The following KDM4C variants were observed in gnomAD, a reference collection of about 807,000 sequenced individuals.
The protein encoded by KDM4C is lysine demethylase 4C, also known as lysine-specific demethylase 4C.
A neutral mutation model predicts 129.3 loss-of-function variants in KDM4C; 81 were observed. That is an observed-to-expected ratio of 0.63 (90% CI 0.52 to 0.75). The LOEUF (loss-of-function observed/expected upper bound fraction) is 0.75, where lower values mean the gene tolerates loss of function less well. KDM4C is among the 30% of genes least tolerant of loss of function. KDM4C has a pLI of 0.00. For synonymous variants in KDM4C, 573 were observed against 456.1 expected (o/e 1.26, Z -3.26); for missense variants, 1,457 against 1,304.0 (o/e 1.12, Z -1.81).
At chr9:6,793,164 C>G in intron 2 of KDM4C, 32 bp downstream of exon 2, 1 of 1,597,526 alleles carries the variant, frequency 6.3e-7, no homozygotes, top group Non-Finnish European at 8.5e-7. Flanking sequence ...AAATGAAAAA[C>G]AATCACTTGG....
At chr9:7,076,411 A>G in intron 17 of KDM4C, 1 of 1,517,646 alleles carries the variant, frequency 6.6e-7, no homozygotes, top group Non-Finnish European at 9.0e-7. Context: ...TTGGACTTTT[A>G]AAATTTGCAT....
intron 1 of KDM4C, among the ~76,000 whole-genome samples, chr9:6,764,265 A>G (rs146141101): frequency 0.014 from 2,146 of 152,342 alleles, 28 homozygotes; most frequent in South Asian, 0.046. Flanking sequence ...AGAATATAGC[A>G]TTAGATATAT....
At chr9:6,953,444 T>C (rs1828533894) in intron 8 of KDM4C, among the ~76,000 whole-genome samples, 1 of 152,266 alleles carries the variant, frequency 6.6e-6, no homozygotes, top group African/African-American at 2.4e-5. Context: ...ATACTTGCAA[T>C]GCAATAATCT....
intron 13 of KDM4C, among the ~76,000 whole-genome samples, chr9:7,012,392 T>C (rs1490283315): frequency 6.6e-6 from 1 of 152,202 alleles, no homozygotes; most frequent in Non-Finnish European, 1.5e-5. Flanking sequence ...TTTCAACTTT[T>C]CTATCTCTTT....
chr9:7,113,674 A>G (rs940063518), intron 18 of KDM4C, among the ~76,000 whole-genome samples: 1 of 152,184 alleles, frequency 6.6e-6, no homozygotes, highest in Non-Finnish European at 1.5e-5. Context: ...TGGAAAGATT[A>G]CTCTAAAAAT....
chr9:7,022,196 T>A (rs1269439892), intron 15 of KDM4C, among the ~76,000 whole-genome samples: 3 of 152,142 alleles, frequency 2.0e-5, no homozygotes, highest in African/African-American at 7.2e-5. Flanking sequence ...GAAGAATGTC[T>A]TTAGTATTTT....
At chr9:6,749,587 G>A (rs1385591913) in intron 1 of KDM4C, among the ~76,000 whole-genome samples, 1 of 151,972 alleles carries the variant, frequency 6.6e-6, no homozygotes, top group Admixed American at 6.6e-5. Flanking sequence ...AGGATTGCTT[G>A]AGCCCAGTAA....
At chr9:7,028,713 C>CT (rs1446407875) in intron 15 of KDM4C, among the ~76,000 whole-genome samples, 3 of 152,030 alleles carry the variant, frequency 2.0e-5, no homozygotes, top group Non-Finnish European at 2.9e-5. Flanking sequence ...CCAGAGTACT[C>CT]TAGCCCGTGG....
At chr9:6,823,503 C>A (rs1216808988) in intron 4 of KDM4C, among the ~76,000 whole-genome samples, 1 of 152,154 alleles carries the variant, frequency 6.6e-6, no homozygotes, top group Non-Finnish European at 1.5e-5. Context: ...GGATGGTGCC[C>A]TACCTGTCAC....
chr9:7,092,750 C>G (rs138065531), intron 17 of KDM4C, among the ~76,000 whole-genome samples: 2 of 152,254 alleles, frequency 1.3e-5, no homozygotes, highest in Admixed American at 6.5e-5. Flanking sequence ...GAAGACCACA[C>G]TTTAGTTGTA....
intron 17 of KDM4C, among the ~76,000 whole-genome samples, chr9:7,060,523 C>G (rs1218391843): frequency 6.6e-6 from 1 of 150,732 alleles, no homozygotes; most frequent in African/African-American, 2.4e-5. Context: ...TGGTCTGTCA[C>G]CAGGCTGGAG....
At chr9:7,087,068 T>C (rs1270180486) in intron 17 of KDM4C, among the ~76,000 whole-genome samples, 2 of 149,954 alleles carry the variant, frequency 1.3e-5, no homozygotes, top group Admixed American at 1.3e-4. Flanking sequence ...AACAAGACTT[T>C]TTATTGCAAC....
intron 15 of KDM4C, among the ~76,000 whole-genome samples, chr9:7,044,065 T>A (rs1829016536): frequency 6.6e-6 from 1 of 151,994 alleles, no homozygotes; most frequent in East Asian, 1.9e-4. Flanking sequence ...TACAGTTTAG[T>A]GAGGGCAGCA....
At chr9:7,066,522 G>C (rs992424026) in intron 17 of KDM4C, among the ~76,000 whole-genome samples, 36 of 152,174 alleles carry the variant, frequency 2.4e-4, no homozygotes, top group African/African-American at 8.7e-4. Flanking sequence ...AATAGCAATA[G>C]TGTATGTTTT....
At chr9:6,859,029 T>G (rs940026556) in intron 5 of KDM4C, among the ~76,000 whole-genome samples, 1 of 152,198 alleles carries the variant, frequency 6.6e-6, no homozygotes, top group Admixed American at 6.5e-5. Context: ...TTATAAATGT[T>G]CCGTTGTTAC....
Position 6,992,423 on chromosome 9 carries a change from C to T in KDM4C, c.1786+1899C>T, listed in dbSNP as rs374562263. Reference sequence around the variant, plus strand: ...GTAGAAACGATGATTGTAGCTTTTGCAACAGTCTTTCTTTCCTTTCTAATA... The same window carrying T: ...GTAGAAACGATGATTGTAGCTTTTGTAACAGTCTTTCTTTCCTTTCTAATA... On this transcript the variant is annotated intron_variant, in intron 12 of 21. Transcript: ENST00000381309. 2.2e-4 allele frequency among the ~76,000 whole-genome samples: 33 copies of T among 152,298 alleles called. No individual in the cohort carries two copies. In the South Asian group the frequency reaches 6.8e-3, roughly 32 times the overall value.
intron 19 of KDM4C, among the ~76,000 whole-genome samples, chr9:7,140,412 A>C (rs1264246614): frequency 6.6e-6 from 1 of 152,194 alleles, no homozygotes; most frequent in African/African-American, 2.4e-5. Context: ...CCAGTGTCTA[A>C]GAGTAGGTTC....
At chr9:7,016,715 T>C (rs2132202102) in intron 15 of KDM4C, among the ~76,000 whole-genome samples, 1 of 152,266 alleles carries the variant, frequency 6.6e-6, no homozygotes, top group Admixed American at 6.5e-5. Flanking sequence ...CGTGAGCCAC[T>C]GTGCCCGACT....
At chr9:6,821,912 G>A (rs1283757390) in intron 4 of KDM4C, among the ~76,000 whole-genome samples, 2 of 152,170 alleles carry the variant, frequency 1.3e-5, no homozygotes, top group African/African-American at 4.8e-5. Flanking sequence ...TGGGATTATA[G>A]GCGTGAGCTG....
Sources: allele counts gnomAD v4.1 joint callset (sites outside exome capture counted in the v4.1 genomes callset), GRCh38; gene constraint gnomAD v4.1.1; transcripts MANE v1.5; gene names NCBI Gene and HGNC (gene_info 2026-07-23, HGNC 2026-07-21).